The following GRIK5 variants were observed in gnomAD, a reference collection of about 807,000 sequenced individuals.
The protein encoded by GRIK5 is glutamate ionotropic receptor kainate type subunit 5, also known as glutamate receptor ionotropic, kainate 5.
A neutral mutation model predicts 97.4 loss-of-function variants in GRIK5; 43 were observed. That is an observed-to-expected ratio of 0.44 (90% confidence interval 0.35 to 0.57). The LOEUF (loss-of-function observed/expected upper bound fraction) is 0.57, where lower values mean the gene tolerates loss of function less well. Ranked by LOEUF, GRIK5 falls within the 20% of genes least tolerant of loss-of-function variation. The pLI, the probability that GRIK5 is intolerant of heterozygous loss-of-function variation, is 0.01. For missense variants in GRIK5, 1,015 were observed against 1,382.0 expected (o/e 0.73, Z 4.21); for synonymous variants, 580 against 583.5 (o/e 0.99, Z 0.09).
At chr19:42,026,133 G>A (rs1253272724) in intron 12 of GRIK5, among the ~76,000 whole-genome samples, 2 of 151,764 alleles carry the variant, frequency 1.3e-5, no homozygotes, top group East Asian at 1.9e-4. Flanking sequence ...CCACAGGTGC[G>A]AGCCACTACG....
intron 5 of GRIK5, 39 bp from the exon 6 acceptor site, chr19:42,059,566 G>C (rs2076232984): frequency 6.4e-7 from 1 of 1,568,000 alleles, no homozygotes; most frequent in African/African-American, 1.3e-5. Context: ...AGCCCTTCTG[G>C]GTACCCAGGC....
chr19:42,044,415 C>T (rs992550170), intron 11 of GRIK5, among the ~76,000 whole-genome samples: 13 of 152,182 alleles, frequency 8.5e-5, no homozygotes, highest in African/African-American at 3.1e-4. Context: ...CAGTTTGCCA[C>T]ATTGACGCTT....
intron 15 of GRIK5, among the ~76,000 whole-genome samples, chr19:42,012,015 G>C (rs2075568753): frequency 6.6e-6 from 1 of 152,050 alleles, no homozygotes; most frequent in Admixed American, 6.6e-5. Context: ...AGAGGAAAAG[G>C]GGAACAAAGA....
intron 11 of GRIK5, among the ~76,000 whole-genome samples, chr19:42,044,053 C>A (rs1015655600): frequency 6.6e-6 from 1 of 152,154 alleles, no homozygotes. Context: ...GGGCGGTTTC[C>A]CCCATGCTCT....
Position 42,002,898 on chromosome 19 carries a change from G to A in GRIK5, c.2514+434C>T, listed in dbSNP as rs1555871331. On this transcript the variant is annotated intron_variant, in intron 19 of 19. Coordinates refer to ENST00000593562, the MANE Select transcript of GRIK5 (RefSeq NM_002088.5). The surrounding 1 kb of genome is among the most constrained non-coding windows in gnomAD (Gnocchi z 5.2). Reference sequence around the variant, plus strand: ...TTACAGGTGTGCACCACCATGCCCGGCTAATTTTTGTATTTTTAGTAGAGA... The same window carrying A: ...TTACAGGTGTGCACCACCATGCCCGACTAATTTTTGTATTTTTAGTAGAGA... Among the ~76,000 whole-genome samples the A allele has an allele frequency of 6.6e-6, 1 of 152,108 alleles. No homozygotes were observed. Among genetic ancestry groups the A allele is most frequent in the Admixed American group, 6.5e-5 (1 of 15,272 alleles).
intron 11 of GRIK5, among the ~76,000 whole-genome samples, chr19:42,051,637 G>A (rs960501991): frequency 5.9e-5 from 9 of 152,208 alleles, no homozygotes; most frequent in African/African-American, 1.9e-4. Context: ...CAGCGAATGA[G>A]ACAAGTTCTA....
Position 42,062,986 on chromosome 19 carries a change from C to A in GRIK5, c.245-131G>T. ...AACTGCCTGATCCTCTTCTGCCATC[C>A]GGGACCCAGAAGGCCAGTCTCTGAC... On this transcript the variant is annotated intron_variant, in intron 3 of 19. Coordinates refer to ENST00000593562, the MANE Select transcript of GRIK5 (RefSeq NM_002088.5). The surrounding 1 kb of genome is among the most constrained non-coding windows in gnomAD (Gnocchi z 5.3). The A allele has an allele frequency of 1.5e-6, 1 of 680,120 alleles. No individual in the cohort carries two copies. The highest frequency in any genetic ancestry group is 1.8e-5 in the African/African-American group (1 of 56,314). The allele number at this position is 680,120 out of a possible 1,614,324, so 42.1% of individuals were successfully genotyped here.
intron 5 of GRIK5, among the ~76,000 whole-genome samples, chr19:42,061,921 C>T (rs111522632): frequency 5.3e-5 from 8 of 152,352 alleles, no homozygotes; most frequent in Admixed American, 1.3e-4. Flanking sequence ...TCTCTTGCTT[C>T]GTTGTTCTCA....
chr19:42,006,860 T>A lies in GRIK5; in HGVS notation c.1872-50A>T, dbSNP rs782121968. Reference sequence around the variant, plus strand: ...CGGGCTGGAGTCACCCCTGCTGACCTGCCCCCGTGGCCATGCCCCCCATTG... The same window carrying A: ...CGGGCTGGAGTCACCCCTGCTGACCAGCCCCCGTGGCCATGCCCCCCATTG... On this transcript the variant is annotated intron_variant, in intron 15 of 19. Transcript: ENST00000593562. The surrounding 1 kb of genome is among the most constrained non-coding windows in gnomAD (Gnocchi z 5.3). 1.3e-5 allele frequency: 18 copies of A among 1,439,744 alleles called. No individual in the cohort carries two copies. In the East Asian group the frequency reaches 3.7e-4, roughly 30 times the overall value. 89.2% of individuals were successfully genotyped at this position (1,439,744 alleles called of 1,614,324 possible).
At chr19:42,005,615 C>T in intron 17 of GRIK5, 108 bp downstream of exon 17, 1 of 730,258 alleles carries the variant, frequency 1.4e-6, no homozygotes, top group Non-Finnish European at 2.4e-6. Flanking sequence ...AGGCCACATG[C>T]AACACACCCA....
At chr19:42,053,184 C>A (rs567340923) in intron 11 of GRIK5, among the ~76,000 whole-genome samples, 1 of 152,284 alleles carries the variant, frequency 6.6e-6, no homozygotes, top group Admixed American at 6.5e-5. Flanking sequence ...GACATAGCTT[C>A]CAGTCCTGGC....
intron 17 of GRIK5, among the ~76,000 whole-genome samples, chr19:42,004,202 C>T (rs1555871844): frequency 6.6e-6 from 1 of 152,206 alleles, no homozygotes; most frequent in Non-Finnish European, 1.5e-5. Flanking sequence ...GCAGCTGTCA[C>T]CACCTAACAC....
Position 42,019,405 on chromosome 19 carries a change from G to C in GRIK5, c.1871+1896C>G, listed in dbSNP as rs577971539. Among the ~76,000 whole-genome samples the C allele has an allele frequency of 3.6e-4, 54 of 152,104 alleles. 1 individual carries two copies. Among genetic ancestry groups the C allele is most frequent in the Non-Finnish European group, 7.1e-4 (48 of 68,040 alleles). ...ACTGTTCTCTTACTGTATCCTGTTT[G>C]GTTCCTCAATAGCACATTTTATGTG... On this transcript the variant is annotated intron_variant, in intron 15 of 19. Transcript: ENST00000593562.
chr19:42,006,656 T>A lies in GRIK5; in HGVS notation c.2026A>T (p.Thr676Ser), dbSNP rs782217124. ...TCTGGTGGCCCCACCTGGAAGAAGG[T>A]CATGGTGGAGCCGGCGTGGATGGTG... is the stretch of plus-strand genomic sequence containing the variant. ...YGTIHAGSTMTFFQNSRYQTY... is the reference protein window; with the variant it reads ...YGTIHAGSTMSFFQNSRYQTY... Residue 676 changes from threonine to serine, a missense_variant, in exon 16 of 20, where the codon ACC (threonine) becomes TCC (serine). By Grantham distance (58) the Thr-to-Ser change is moderately conservative. Coordinates refer to ENST00000593562, the MANE Select transcript of GRIK5 (RefSeq NM_002088.5). This position sits in a 1 kb window ranked among gnomAD's most constrained non-coding sequence, Gnocchi z 5.3. 1.2e-6 allele frequency: 2 copies of A among 1,613,804 alleles called. No homozygotes were observed. Among genetic ancestry groups the A allele is most frequent in the Non-Finnish European group, 1.7e-6 (2 of 1,179,942 alleles).
intron 12 of GRIK5, among the ~76,000 whole-genome samples, chr19:42,031,041 T>C (rs1568903183): frequency 3.9e-5 from 6 of 152,070 alleles, no homozygotes; most frequent in Admixed American, 3.3e-4. Context: ...CCCTTGGAAA[T>C]TGGTATGGAG....
At position 42,062,692 on chromosome 19, in the gene GRIK5, C is replaced by T. The variant is rs753148914; in HGVS notation, c.343-39G>A. On this transcript the variant is annotated intron_variant, in intron 4 of 19. Transcript: ENST00000593562. The surrounding 1 kb of genome is among the most constrained non-coding windows in gnomAD (Gnocchi z 5.3). Reference sequence around the variant, plus strand: ...AAACTTTGGCCTCCATCCTGCTTCTCCGCCCAGCCCTCGCCTCCCAGGGAC... The same window carrying T: ...AAACTTTGGCCTCCATCCTGCTTCTTCGCCCAGCCCTCGCCTCCCAGGGAC... 4 of 1,613,560 alleles carry T rather than the reference C, an allele frequency of 2.5e-6. No individual in the cohort carries two copies. In the South Asian group the frequency reaches 4.4e-5, roughly 18 times the overall value.
Position 42,006,407 on chromosome 19 carries a change from T to A in GRIK5, c.2037+238A>T, listed in dbSNP as rs1163651248. On this transcript the variant is annotated intron_variant, in intron 16 of 19. Transcript: ENST00000593562. The surrounding 1 kb of genome is among the most constrained non-coding windows in gnomAD (Gnocchi z 5.3). ...TTCCAGCAGCCTCCTTGATCCCATT[T>A]GGCCCATATGACATTGACATTTGAT... Among the ~76,000 whole-genome samples the A allele has an allele frequency of 6.6e-6, 1 of 152,222 alleles. No homozygotes were observed. Among genetic ancestry groups the A allele is most frequent in the African/African-American group, 2.4e-5 (1 of 41,456 alleles).
At position 42,002,183 on chromosome 19, in the gene GRIK5, G is replaced by C. The variant is rs986589341; in HGVS notation, c.2514+1149C>G. 4.2e-6 allele frequency: 3 copies of C among 717,640 alleles called. No homozygotes were observed. Among genetic ancestry groups the C allele is most frequent in the East Asian group, 2.7e-5 (1 of 37,292 alleles). The allele number at this position is 717,640 out of a possible 1,614,324, so 44.5% of individuals were successfully genotyped here. On this transcript the variant is annotated intron_variant, in intron 19 of 19. Transcript: ENST00000593562. This position sits in a 1 kb window ranked among gnomAD's most constrained non-coding sequence, Gnocchi z 5.2. ...TGGCAGGGACCGATGCCAGACTGGA[G>C]TGGGGGGCAAGAGGAAATGGGAGGA...
At chr19:42,043,215 T>C (rs1444697784) in intron 11 of GRIK5, among the ~76,000 whole-genome samples, 2 of 152,134 alleles carry the variant, frequency 1.3e-5, no homozygotes. Flanking sequence ...CTTGCCCTAG[T>C]AACTATGGGC....
Sources: allele counts gnomAD v4.1 joint callset (sites outside exome capture counted in the v4.1 genomes callset), GRCh38; gene constraint gnomAD v4.1.1; non-coding constraint Gnocchi (gnomAD v3.1); transcripts MANE v1.5; gene names NCBI Gene and HGNC (gene_info 2026-07-23, HGNC 2026-07-21).